Variants in PRELID2 observed in about 807,000 individuals in gnomAD.
The protein encoded by PRELID2 is PRELI domain-containing protein 2.
Under a neutral mutation model 28.4 loss-of-function variants are expected in PRELID2, and 25 were observed. The observed-to-expected ratio is 0.88, with a 90% CI of 0.64 to 1.23. The LOEUF is 1.23. PRELID2 is among the 50% of genes most tolerant of loss of function. The probability of loss-of-function intolerance (pLI) is 0.00; values close to 1 mark genes in which losing one functional copy is unlikely to be tolerated. For missense variants in PRELID2, 201 were observed against 214.4 expected, an observed-to-expected ratio of 0.94 and a Z score of 0.39; for synonymous variants, 76 against 71.6, an observed-to-expected ratio of 1.06 and a Z score of -0.31.
In PRELID2 at chr5:145,537,518, CAGGAACT is replaced by C. The variant is rs527924581; in HGVS notation, n.71-64210_71-64204del. Among the ~76,000 whole-genome samples the C allele has an allele frequency of 2.0e-4, 30 of 151,992 alleles. No homozygotes were observed. In the East Asian group the frequency reaches 5.6e-3, roughly 28 times the overall value. On this transcript the variant is annotated intron_variant and non_coding_transcript_variant, in intron 1 of 2. Coordinates refer to the PRELID2 transcript ENST00000510259. ...GTCTTTTTGATAGTAGCCATTCCAA[CAGGAACT>C]AGGTAGTATCTTGTGGTTCTGACTT...
the PRELID2 span, among the ~76,000 whole-genome samples, chr5:145,396,411 G>T: frequency 6.6e-5 from 10 of 151,572 alleles, no homozygotes; most frequent in Non-Finnish European, 1.5e-4. Context: ...TAGCTTTCAG[G>T]CTGTAATTTG....
intron 1 of PRELID2, among the ~76,000 whole-genome samples, chr5:145,476,647 C>G (rs968119921): frequency 1.3e-5 from 2 of 151,576 alleles, no homozygotes; most frequent in Admixed American, 6.6e-5. Flanking sequence ...AGAAAAAACT[C>G]CATCTTAAAA....
intron 1 of PRELID2, among the ~76,000 whole-genome samples, chr5:145,521,742 C>G (rs1752564706): frequency 6.6e-6 from 1 of 152,136 alleles, no homozygotes; most frequent in African/African-American, 2.4e-5. Context: ...AAACTAGTCA[C>G]AGCCAGGTAT....
intron 1 of PRELID2, among the ~76,000 whole-genome samples, chr5:145,640,475 CA>C (rs56917249): frequency 0.064 from 3,486 of 54,610 alleles, 239 homozygotes; most frequent in African/African-American, 0.21. Context: ...GACTCCGTCT[CA>C]AAAAAAAAAA....
chr5:145,340,534 G>C, the PRELID2 span, among the ~76,000 whole-genome samples: 1 of 152,012 alleles, frequency 6.6e-6, no homozygotes, highest in Non-Finnish European at 1.5e-5. Context: ...TTGGGAGGCT[G>C]TGGTGGGCAG....
At chr5:145,674,406 A>T (rs1279717857) in intron 1 of PRELID2, among the ~76,000 whole-genome samples, 3 of 152,122 alleles carry the variant, frequency 2.0e-5, no homozygotes, top group Non-Finnish European at 4.4e-5. Context: ...CAGAAGGACA[A>T]ATGGAACAAA....
At chr5:145,552,715 T>G (rs1364683834) in intron 1 of PRELID2, among the ~76,000 whole-genome samples, 2 of 152,212 alleles carry the variant, frequency 1.3e-5, no homozygotes, top group African/African-American at 4.8e-5. Flanking sequence ...CTTTATTGTT[T>G]GGGTCTGCTT....
At chr5:145,528,042 C>T (rs1752623997) in intron 1 of PRELID2, among the ~76,000 whole-genome samples, 1 of 152,134 alleles carries the variant, frequency 6.6e-6, no homozygotes, top group African/African-American at 2.4e-5. Context: ...CTATCACCTA[C>T]TCACCCTCAT....
the PRELID2 span, among the ~76,000 whole-genome samples, chr5:145,278,489 C>T: frequency 6.6e-6 from 1 of 152,122 alleles, no homozygotes; most frequent in Non-Finnish European, 1.5e-5. Flanking sequence ...AGATGTTAAG[C>T]AGACATCACT....
chr5:145,340,262 C>T, the PRELID2 span, among the ~76,000 whole-genome samples: 1 of 152,182 alleles, frequency 6.6e-6, no homozygotes, highest in African/African-American at 2.4e-5. Context: ...GCCAATATCA[C>T]CACAGCTGAA....
chr5:145,437,729 C>T, the PRELID2 span, among the ~76,000 whole-genome samples: 4 of 152,084 alleles, frequency 2.6e-5, no homozygotes, highest in Non-Finnish European at 5.9e-5. Context: ...CCCTTCTCTC[C>T]TTGGTTCATT....
intron 1 of PRELID2, among the ~76,000 whole-genome samples, chr5:145,553,976 TA>T (rs559934094): frequency 3.3e-5 from 5 of 152,082 alleles, no homozygotes; most frequent in South Asian, 4.1e-4. Flanking sequence ...TGGTGGATGA[TA>T]ATACCTTTAA....
intron 4 of PRELID2, among the ~76,000 whole-genome samples, chr5:145,803,736 A>AG (rs1268260769): frequency 1.7e-3 from 2 of 1,182 alleles, no homozygotes; most frequent in East Asian, 0.17. Context: ...AATTTAAAGT[A>AG]AAAAAAAAAA....
At chr5:145,722,445 G>T (rs973607146) in intron 1 of PRELID2, among the ~76,000 whole-genome samples, 1 of 151,834 alleles carries the variant, frequency 6.6e-6, no homozygotes, top group African/African-American at 2.4e-5. Flanking sequence ...GATTACAGGC[G>T]TGTGCCACCA....
chr5:145,702,604 G>T (rs1277202162), intron 1 of PRELID2, among the ~76,000 whole-genome samples: 1 of 152,140 alleles, frequency 6.6e-6, no homozygotes, highest in Non-Finnish European at 1.5e-5. Flanking sequence ...GCAATTCAAT[G>T]ACATTCGGGT....
intron 1 of PRELID2, among the ~76,000 whole-genome samples, chr5:145,692,631 C>T (rs1755173931): frequency 1.3e-5 from 2 of 152,178 alleles, no homozygotes; most frequent in South Asian, 4.1e-4. Flanking sequence ...AAATGCCTGT[C>T]AGGTCGACAA....
chr5:145,800,066 T>C (rs1251533715), intron 4 of PRELID2, among the ~76,000 whole-genome samples: 1 of 152,176 alleles, frequency 6.6e-6, no homozygotes, highest in Non-Finnish European at 1.5e-5. Flanking sequence ...CCTGTATGTA[T>C]AGTTGGCATG....
the PRELID2 span, among the ~76,000 whole-genome samples, chr5:145,354,972 A>G: frequency 6.6e-6 from 1 of 152,156 alleles, no homozygotes; most frequent in South Asian, 2.1e-4. Context: ...TTAAAGACCA[A>G]ACAAAATTGA....
At chr5:145,747,268 A>T (rs1357682204) in intron 1 of PRELID2, among the ~76,000 whole-genome samples, 1 of 151,802 alleles carries the variant, frequency 6.6e-6, no homozygotes, top group Non-Finnish European at 1.5e-5. Context: ...AAAAAAAAAA[A>T]TTAACAAAAT....
Sources: allele counts gnomAD v4.1 joint callset (sites outside exome capture counted in the v4.1 genomes callset), GRCh38; gene constraint gnomAD v4.1.1; transcripts MANE v1.5; gene names NCBI Gene and HGNC (gene_info 2026-07-23, HGNC 2026-07-21).